Variants in KIF11 observed in about 807,000 individuals in gnomAD.
KIF11 encodes kinesin-like protein KIF11.
In KIF11, 9 loss-of-function variants were observed where a neutral mutation model predicts 121.0. The observed-to-expected ratio is 0.07, with a 90% CI of 0.04 to 0.13. The LOEUF (loss-of-function observed/expected upper bound fraction) is 0.13. KIF11 is among the 10% of genes least tolerant of loss of function. KIF11 has a pLI of 1.00. For missense variants in KIF11, 846 were observed against 1,217.5 expected, an observed-to-expected ratio of 0.69 and a Z score of 4.54; for synonymous variants, 408 against 421.0, an observed-to-expected ratio of 0.97 and a Z score of 0.38.
chr10:92,635,245 C>T (rs1844783710), intron 14 of KIF11, among the ~76,000 whole-genome samples: 1 of 152,164 alleles, frequency 6.6e-6, no homozygotes, highest in African/African-American at 2.4e-5. Context: ...TAGGTTTTCT[C>T]AATCACCCAA....
chr10:92,626,983 T>C (rs576114817), intron 10 of KIF11, among the ~76,000 whole-genome samples: 23 of 152,238 alleles, frequency 1.5e-4, no homozygotes, highest in African/African-American at 5.3e-4. Context: ...AGGATGGTCT[T>C]GATCTGCTGA....
Position 92,653,865 on chromosome 10 carries a change from G to C in KIF11, c.*69G>C, listed in dbSNP as rs1446285358. On this transcript the variant is annotated 3_prime_UTR_variant, in exon 22 of 22. Transcript: ENST00000260731. ...AATAAAACCTGAAACCCCAGAACTT[G>C]AGCCTTGTGTATAGATTTTAAAAGA... 2 of 1,390,364 alleles carry C rather than the reference G, an allele frequency of 1.4e-6. No homozygotes were observed. The highest frequency in any genetic ancestry group is 2.0e-6 in the Non-Finnish European group (2 of 1,001,608). 86.1% of individuals were successfully genotyped at this position (1,390,364 alleles called of 1,614,324 possible).
At chr10:92,642,440 A>C in intron 17 of KIF11, among the ~76,000 whole-genome samples, 1 of 152,170 alleles carries the variant, frequency 6.6e-6, no homozygotes, top group East Asian at 1.9e-4. Flanking sequence ...TGTTGCATGA[A>C]GTGTTCTGTA....
At chr10:92,606,483 A>G in intron 2 of KIF11, 86 bp downstream of exon 2, 1 of 1,277,184 alleles carries the variant, frequency 7.8e-7, no homozygotes, top group Non-Finnish European at 1.1e-6. Flanking sequence ...GTGTATACTT[A>G]GAAATTTCAG....
chr10:92,617,515 C>G (rs147617108), intron 9 of KIF11, among the ~76,000 whole-genome samples: 3 of 152,134 alleles, frequency 2.0e-5, no homozygotes, highest in African/African-American at 7.2e-5. Context: ...GATGTGTTTT[C>G]ATTTCTTTTG....
At position 92,653,224 on chromosome 10, in the gene KIF11, T is replaced by C. The variant is rs146935789; in HGVS notation, c.3040-441T>C. Among the ~76,000 whole-genome samples, 276 of 152,320 alleles carry C rather than the reference T, an allele frequency of 1.8e-3. 1 individual carries two copies. Among genetic ancestry groups the C allele is most frequent in the African/African-American group, 3.2e-3 (135 of 41,572 alleles). On this transcript the variant is annotated intron_variant, in intron 21 of 21. Coordinates refer to ENST00000260731, the MANE Select transcript of KIF11 (RefSeq NM_004523.4). ...GCATTTTAAACTGGATAATTCTTTGTTGTGATGGGCTTTCCTGTGGACTGT... is the reference window on the plus strand; with the variant it reads ...GCATTTTAAACTGGATAATTCTTTGCTGTGATGGGCTTTCCTGTGGACTGT...
At chr10:92,640,425 G>GT (rs1844852412) in intron 17 of KIF11, among the ~76,000 whole-genome samples, 1 of 152,052 alleles carries the variant, frequency 6.6e-6, no homozygotes, top group South Asian at 2.1e-4. Flanking sequence ...TTAGGGTTTT[G>GT]TTTTTTGTTT....
intron 12 of KIF11, among the ~76,000 whole-genome samples, chr10:92,630,847 A>G (rs1443923066): frequency 6.9e-6 from 1 of 145,430 alleles, no homozygotes; most frequent in Non-Finnish European, 1.5e-5. Flanking sequence ...AGCCTGGGCA[A>G]CAAGAGCGAA....
intron 10 of KIF11, among the ~76,000 whole-genome samples, chr10:92,623,176 TATC>T (rs903287636): frequency 4.1e-4 from 62 of 152,352 alleles, no homozygotes; most frequent in Admixed American, 3.2e-3. Flanking sequence ...AGAACTATCC[TATC>T]ATCACAAGGA....
intron 14 of KIF11, 127 bp from the exon 15 acceptor site, chr10:92,637,049 AAAAAGAAT>A: frequency 1.3e-6 from 1 of 748,520 alleles, no homozygotes; most frequent in East Asian, 3.3e-5. Context: ...AAAAAAAAAA[AAAAAGAAT>A]GGAGAATGGA....
rs2135928254 is a variant in KIF11 at position 92,654,398 on chromosome 10, CTG to C, written c.*604_*605del. 1 of 152,266 alleles carries C rather than the reference CTG, an allele frequency of 6.6e-6. No homozygotes were observed. Among genetic ancestry groups the C allele is most frequent in the South Asian group, 2.1e-4 (1 of 4,826 alleles). The allele number at this position is 152,266 out of a possible 1,614,324, so 9.4% of individuals were successfully genotyped here. ...TTATTAAGTAATGAATATATAAGAA[CTG>C]TACTCTTCTCAGCTTGAGCTTACAT... On this transcript the variant is annotated 3_prime_UTR_variant, in exon 22 of 22. Coordinates refer to ENST00000260731, the MANE Select transcript of KIF11 (RefSeq NM_004523.4).
Position 92,644,554 on chromosome 10 carries a change from G to A in KIF11, c.2268-809G>A, listed in dbSNP as rs192149256. 1.6e-3 allele frequency among the ~76,000 whole-genome samples: 242 copies of A among 152,222 alleles called. 3 individuals are homozygous for A. The highest frequency in any genetic ancestry group is 3.4e-3 in the Middle Eastern group (1 of 294). ...GACTGGTCTCTAACTCCTGACCTCA[G>A]GTGATCCACCTGCCTCGGCCTCCCA... On this transcript the variant is annotated intron_variant, in intron 17 of 21. Transcript: ENST00000260731.
At chr10:92,602,729 G>T (rs1372165055) in intron 1 of KIF11, among the ~76,000 whole-genome samples, 2 of 151,138 alleles carry the variant, frequency 1.3e-5, no homozygotes, top group African/African-American at 4.9e-5. Context: ...GTAAGTTTTG[G>T]TATGTTGTAT....
At chr10:92,631,981 T>C (rs1035488683) in intron 12 of KIF11, among the ~76,000 whole-genome samples, 3 of 152,106 alleles carry the variant, frequency 2.0e-5, no homozygotes, top group Admixed American at 6.6e-5. Context: ...GGCCATTAGG[T>C]GTACTTCTGA....
At chr10:92,605,482 A>ATTTTTTTTT (rs58660991) in intron 1 of KIF11, among the ~76,000 whole-genome samples, 12 of 98,294 alleles carry the variant, frequency 1.2e-4, no homozygotes, top group African/African-American at 4.9e-4. Context: ...ATTTGATCGG[A>ATTTTTTTTT]TTTTTTTTTT....
chr10:92,632,759 A>ATTTAT, intron 13 of KIF11, 66 bp downstream of exon 13: 1 of 1,000,026 alleles, frequency 1.0e-6, no homozygotes, highest in East Asian at 2.5e-5. Context: ...AAAACTGATA[A>ATTTAT]TTTTGTGAAA....
intron 10 of KIF11, among the ~76,000 whole-genome samples, chr10:92,625,197 C>G (rs759484546): frequency 8.5e-5 from 13 of 152,062 alleles, no homozygotes; most frequent in Non-Finnish European, 1.6e-4. Flanking sequence ...TATTTTTTGA[C>G]TTTTTAATAA....
rs760636340 is a variant in KIF11, at chr10:92,613,329, A to G, written c.790-48A>G. ...ATCCTGTGAGAATGAAAGTCTTTGA[A>G]TCCAAATCCAATAGACTCACTTTTT... On this transcript the variant is annotated intron_variant, in intron 7 of 21. Coordinates refer to ENST00000260731, the MANE Select transcript of KIF11 (RefSeq NM_004523.4). The surrounding 1 kb of genome is among the most constrained non-coding windows in gnomAD (Gnocchi z 4.2). The G allele has an allele frequency of 2.9e-6, 4 of 1,368,770 alleles. No homozygotes were observed. Among genetic ancestry groups the G allele is most frequent in the Non-Finnish European group, 4.0e-6 (4 of 1,002,722 alleles). 84.8% of individuals were successfully genotyped at this position (1,368,770 alleles called of 1,614,324 possible). A position where few individuals can be genotyped will look rare whatever the true frequency, so the allele number is the denominator to read the frequency against.
At chr10:92,640,798 G>C (rs1038936593) in intron 17 of KIF11, among the ~76,000 whole-genome samples, 1 of 151,754 alleles carries the variant, frequency 6.6e-6, no homozygotes, top group African/African-American at 2.4e-5. Flanking sequence ...AGTGGCGCGA[G>C]TGCAGTGGTG....
Sources: gnomAD v4.1 joint callset for allele counts (sites outside exome capture counted in the v4.1 genomes callset) on GRCh38, gnomAD v4.1.1 for gene constraint, Gnocchi (gnomAD v3.1) non-coding constraint, MANE v1.5 for transcripts, NCBI Gene and HGNC (gene_info 2026-07-23, HGNC 2026-07-21) for gene names.